Variants in MYOF observed in about 807,000 individuals in gnomAD.
MYOF encodes the protein fer-1-like 3, myoferlin.
MYOF carries 244 observed loss-of-function variants against 284.2 expected under a neutral mutation model. The observed-to-expected ratio is 0.86, with a 90% CI of 0.77 to 0.95. The LOEUF (loss-of-function observed/expected upper bound fraction) is 0.95. Among genes scored for constraint, MYOF ranks in the 40% least tolerant of loss-of-function variants. MYOF has a pLI of 0.00. For synonymous variants in MYOF, 904 were observed against 919.7 expected (o/e 0.98, Z 0.31); for missense variants, 2,496 against 2,560.6 (o/e 0.97, Z 0.54).
At chr10:93,344,726 TAAAAAAA>T (rs3081452) in intron 37 of MYOF, among the ~76,000 whole-genome samples, 26 of 76,218 alleles carry the variant, frequency 3.4e-4, no homozygotes, top group African/African-American at 1.1e-3. Context: ...GAACTTAAAT[TAAAAAAA>T]AAAAAAAAAA....
chr10:93,455,919 C>T, intron 2 of MYOF, among the ~76,000 whole-genome samples: 1 of 152,130 alleles, frequency 6.6e-6, no homozygotes, highest in Non-Finnish European at 1.5e-5. Flanking sequence ...AAGAGAGAGA[C>T]AGAGAGAGAG....
In MYOF at chr10:93,397,339, A is replaced by G. The variant is rs1266503868; in HGVS notation, c.1290+49T>C. The G allele has an allele frequency of 1.9e-6, 3 of 1,591,820 alleles. No homozygotes were observed. The South Asian group carries it at 3.4e-5, about 18-fold the overall frequency. ...GTAGTTATTTCTCAATGATTTAGTA[A>G]TTATTAAGTAAGTATTCTTACTTTT... is the stretch of plus-strand genomic sequence containing the variant. On this transcript the variant is annotated intron_variant, in intron 14 of 53. Coordinates refer to ENST00000359263, the MANE Select transcript of MYOF (RefSeq NM_013451.4).
In MYOF at chr10:93,392,964, TA is replaced by T. The variant is rs1191177485; in HGVS notation, c.1418-10del. ...TCCCGAAGATGAGAAATCTATATAG[TA>T]AAAATATGACTGGTTAAACAAGAAG... is the stretch of plus-strand genomic sequence containing the variant. On this transcript the variant is annotated splice_polypyrimidine_tract_variant and intron_variant, in intron 16 of 53. Coordinates refer to ENST00000359263, the MANE Select transcript of MYOF (RefSeq NM_013451.4). 6.2e-7 allele frequency: 1 copy of T among 1,608,270 alleles called. No individual in the cohort carries two copies. Among genetic ancestry groups the T allele is most frequent in the East Asian group, 2.2e-5 (1 of 44,822 alleles).
At chr10:93,463,695 C>A (rs1453175227) in intron 1 of MYOF, among the ~76,000 whole-genome samples, 1 of 151,738 alleles carries the variant, frequency 6.6e-6, no homozygotes, top group African/African-American at 2.4e-5. Flanking sequence ...GCACCACACC[C>A]GGCCCATCTC....
At chr10:93,423,627 A>G (rs980835754) in intron 5 of MYOF, among the ~76,000 whole-genome samples, 19 of 150,292 alleles carry the variant, frequency 1.3e-4, no homozygotes, top group Admixed American at 1.0e-3. Context: ...AGGTCAGGAG[A>G]TTGAGACCAT....
intron 31 of MYOF, among the ~76,000 whole-genome samples, chr10:93,354,272 G>T (rs1844678924): frequency 6.6e-6 from 1 of 152,144 alleles, no homozygotes; most frequent in African/African-American, 2.4e-5. Flanking sequence ...TAGCTACTCA[G>T]GAGGCTGAGG....
At chr10:93,328,643 T>G in intron 45 of MYOF, 120 bp downstream of exon 45, 1 of 1,024,176 alleles carries the variant, frequency 9.8e-7, no homozygotes, top group South Asian at 2.3e-5. Flanking sequence ...TAGTGTCACG[T>G]GCACAGTCTC....
chr10:93,377,722 C>T (rs1219703031), intron 21 of MYOF, among the ~76,000 whole-genome samples: 3 of 151,894 alleles, frequency 2.0e-5, no homozygotes, highest in Non-Finnish European at 2.9e-5. Context: ...AAAAAAAAAC[C>T]CATAAACATA....
At chr10:93,467,683 A>T (rs2057043771) in intron 1 of MYOF, among the ~76,000 whole-genome samples, 3 of 152,190 alleles carry the variant, frequency 2.0e-5, no homozygotes, top group African/African-American at 7.2e-5. Context: ...ACGTATGTTT[A>T]TTGCGGCACT....
chr10:93,389,064 A>G lies in MYOF; in HGVS notation c.1547T>C (p.Phe516Ser). ...LYGSPREYTGFPDPYDELNTG... is the reference protein window; with the variant it reads ...LYGSPREYTGSPDPYDELNTG... ...ATTCAGCTCATCATAGGGGTCTGGG[A>G]ATCCCGTGTACTCTCTGGGGCTTCC... is the stretch of plus-strand genomic sequence containing the variant. Residue 516 changes from phenylalanine (F) to serine (S), a missense_variant, in exon 18 of 54, where the codon TTC (phenylalanine) becomes TCC (serine). This residue lies in a region of MYOF where 2,436 missense variants were observed against 2,480.7 expected (regional missense o/e 0.98). Coordinates refer to ENST00000359263, the MANE Select transcript of MYOF (RefSeq NM_013451.4). 1.9e-6 allele frequency: 3 copies of G among 1,614,132 alleles called. No homozygotes were observed. Among genetic ancestry groups the G allele is most frequent in the Non-Finnish European group, 2.5e-6 (3 of 1,179,988 alleles).
At chr10:93,323,451 C>G in intron 46 of MYOF, 93 bp from the exon 47 acceptor site, 1 of 44,400 alleles carries the variant, frequency 2.3e-5, no homozygotes, top group Non-Finnish European at 3.1e-5. Flanking sequence ...GAAACTATTT[C>G]TTTCTTTGGT....
intron 3 of MYOF, among the ~76,000 whole-genome samples, chr10:93,450,470 A>G (rs970913917): frequency 1.3e-5 from 2 of 152,172 alleles, no homozygotes; most frequent in Non-Finnish European, 2.9e-5. Flanking sequence ...GCTGTTCAGG[A>G]GGCTGAGGCA....
At chr10:93,424,816 C>T (rs751154457) in intron 5 of MYOF, among the ~76,000 whole-genome samples, 37 of 151,874 alleles carry the variant, frequency 2.4e-4, no homozygotes, top group Non-Finnish European at 3.5e-4. Flanking sequence ...GTAAAGTGAA[C>T]CCTCGGGCGG....
intron 1 of MYOF, among the ~76,000 whole-genome samples, chr10:93,457,863 G>C (rs982146450): frequency 6.7e-6 from 1 of 150,176 alleles, no homozygotes; most frequent in African/African-American, 2.5e-5. Context: ...GCCCCATGTA[G>C]TTGGGACCAC....
intron 31 of MYOF, among the ~76,000 whole-genome samples, chr10:93,355,366 G>T (rs556993780): frequency 1.3e-5 from 2 of 152,324 alleles, no homozygotes; most frequent in East Asian, 3.9e-4. Context: ...GGCCAAGGCG[G>T]GTGGATCACC....
chr10:93,470,832 C>G (rs2057130181), intron 1 of MYOF, among the ~76,000 whole-genome samples: 1 of 152,194 alleles, frequency 6.6e-6, no homozygotes, highest in Non-Finnish European at 1.5e-5. Context: ...AGAGTACCCT[C>G]TCAATCAATG....
At position 93,351,477 on chromosome 10, in the gene MYOF, A is replaced by G; in HGVS notation, c.3758T>C (p.Val1253Ala). The change falls in exon 34 of 54, where the codon GTA (valine) becomes GCA (alanine). Residue 1253 changes from valine (V) to alanine (A), a missense_variant. Val to Ala is a moderately conservative substitution (Grantham distance 64). Coordinates refer to ENST00000359263, the MANE Select transcript of MYOF (RefSeq NM_013451.4). ...CCCGCAGGCTTTGTCTCCATTCATT[A>G]CTGGGTGCCAGAGAAGTTTGGGTGT... is the stretch of plus-strand genomic sequence containing the variant. ...DITPKLLWHPVMNGDKACGDV... is the reference protein window; with the variant it reads ...DITPKLLWHPAMNGDKACGDV... The G allele has an allele frequency of 6.2e-7, 1 of 1,614,224 alleles. No homozygotes were observed. Among genetic ancestry groups the G allele is most frequent in the Non-Finnish European group, 8.5e-7 (1 of 1,180,030 alleles).
At chr10:93,313,639 G>C (rs180676941) in intron 50 of MYOF, among the ~76,000 whole-genome samples, 2 of 152,060 alleles carry the variant, frequency 1.3e-5, no homozygotes, top group Non-Finnish European at 2.9e-5. Flanking sequence ...AGTGGCTCAC[G>C]GCTGTAATCC....
At chr10:93,422,493 G>A (rs1848395185) in intron 5 of MYOF, among the ~76,000 whole-genome samples, 1 of 152,182 alleles carries the variant, frequency 6.6e-6, no homozygotes, top group Admixed American at 6.5e-5. Flanking sequence ...CTCGCCAGCA[G>A]GTTTAAAAGT....
Sources: gnomAD v4.1 joint callset for allele counts (sites outside exome capture counted in the v4.1 genomes callset) on GRCh38, gnomAD v4.1.1 for gene constraint, gnomAD v4.1.1 regional missense constraint, MANE v1.5 for transcripts, NCBI Gene and HGNC (gene_info 2026-07-23, HGNC 2026-07-21) for gene names.